The following ADCY6 variants were observed in gnomAD, a reference collection of about 807,000 sequenced individuals.
ADCY6 encodes adenylate cyclase 6, also known as adenylate cyclase type 6.
ADCY6 carries 59 observed loss-of-function variants against 111.6 expected under a neutral mutation model. That is an observed-to-expected ratio of 0.53 (90% confidence interval 0.43 to 0.66). The LOEUF (loss-of-function observed/expected upper bound fraction) is 0.66, where lower values mean the gene tolerates loss of function less well. Among genes scored for constraint, ADCY6 ranks in the 30% least tolerant of loss-of-function variants. The probability of loss-of-function intolerance (pLI) is 0.00; values close to 1 mark genes in which losing one functional copy is unlikely to be tolerated. For missense variants in ADCY6, 1,242 were observed against 1,595.6 expected, an observed-to-expected ratio of 0.78 and a Z score of 3.78; for synonymous variants, 576 against 642.9, an observed-to-expected ratio of 0.90 and a Z score of 1.57.
chr12:48,770,987 GACCT>G lies in ADCY6; in HGVS notation c.3052-21_3052-18del, dbSNP rs1421819252. ...GCTGATAATCTGAACAACACAAGGA[GACCT>G]GGCTGTCAAGGCAAAGACCCCAGAC... On this transcript the variant is annotated intron_variant, in intron 19 of 21. Transcript: ENST00000357869. 1.9e-6 allele frequency: 3 copies of G among 1,609,320 alleles called. No homozygotes were observed. In the South Asian group the frequency reaches 3.3e-5, roughly 18 times the overall value.
rs1267002310 is a variant in ADCY6, at chr12:48,783,024, C to A, written c.411G>T (p.Glu137Asp). Reference sequence around the variant, plus strand: ...GGAAGAAGTACCGCTGGTACAGGCGCTCCAGCTTGGCCGAACGGAACTGCT... The same window carrying A: ...GGAAGAAGTACCGCTGGTACAGGCGATCCAGCTTGGCCGAACGGAACTGCT... ...QSKQFRSAKL[E>D]RLYQRYFFQM... The change falls in exon 2 of 22, where the codon GAG becomes GAT. Residue 137 changes from glutamate to aspartate, a missense_variant. Physicochemically the swap from Glu to Asp is conservative, Grantham distance 45. Around this residue, in one of 4 missense-constraint regions of ADCY6, gnomAD observed 362 missense variants for 377.2 expected, o/e 0.96. Transcript: ENST00000357869. 3 of 1,613,672 alleles carry A rather than the reference C, an allele frequency of 1.9e-6. No homozygotes were observed. The highest frequency in any genetic ancestry group is 2.5e-6 in the Non-Finnish European group (3 of 1,179,908).
At chr12:48,778,075 G>C in intron 3 of ADCY6, 33 bp downstream of exon 3, 1 of 1,584,850 alleles carries the variant, frequency 6.3e-7, no homozygotes, top group South Asian at 1.1e-5. Context: ...GGGTAAGGTG[G>C]GGGCAGGCCC....
rs1941426335 is a variant in ADCY6 at position 48,768,196 on chromosome 12, A to C, written c.*395T>G. On this transcript the variant is annotated 3_prime_UTR_variant, in exon 22 of 22. Coordinates refer to ENST00000357869, the MANE Select transcript of ADCY6 (RefSeq NM_015270.5). ...GTACAAAATATTCCCAGGAAAAAAG[A>C]GGGAAAAGAAGGGCTCAGCCCTGAA... The C allele has an allele frequency of 3.7e-6, 1 of 271,970 alleles. No homozygotes were observed. Among genetic ancestry groups the C allele is most frequent in the African/African-American group, 2.2e-5 (1 of 45,178 alleles). The allele number at this position is 271,970 out of a possible 1,614,324, so 16.8% of individuals were successfully genotyped here. A position where few individuals can be genotyped will look rare whatever the true frequency, so the allele number is the denominator to read the frequency against.
Position 48,767,296 on chromosome 12 carries a change from G to GCC in ADCY6, c.*1293_*1294dup, listed in dbSNP as rs1941401802. The stretch of plus-strand genomic sequence containing the variant: ...CAGGGAGAGTCATGCTGCACACATG[G>GCC]CCCCCGAACGGCACTTAGGGATTTG... On this transcript the variant is annotated 3_prime_UTR_variant, in exon 22 of 22. Transcript: ENST00000357869. 1 of 152,590 alleles carries GCC rather than the reference G, an allele frequency of 6.6e-6. No homozygotes were observed. Among genetic ancestry groups the GCC allele is most frequent in the Non-Finnish European group, 1.5e-5 (1 of 68,074 alleles). The allele number at this position is 152,590 out of a possible 1,614,324, so 9.5% of individuals were successfully genotyped here. A position where few individuals can be genotyped will look rare whatever the true frequency, so the allele number is the denominator to read the frequency against.
Position 48,773,112 on chromosome 12 carries a change from G to C in ADCY6, c.2621+357C>G, listed in dbSNP as rs534587942. Among the ~76,000 whole-genome samples, 6 of 152,254 alleles carry C rather than the reference G, an allele frequency of 3.9e-5. No individual in the cohort carries two copies. In the East Asian group the frequency reaches 1.2e-3, roughly 29 times the overall value. ...AGGAAAAGCCAGTGTGGTGTCCCAG[G>C]CAAAGCCCCCAAGCAGGAATCAGAA... On this transcript the variant is annotated intron_variant, in intron 16 of 21. Transcript: ENST00000357869.
chr12:48,784,999 C>T (rs528629386), intron 1 of ADCY6, among the ~76,000 whole-genome samples: 64 of 152,272 alleles, frequency 4.2e-4, no homozygotes, highest in African/African-American at 1.5e-3. Flanking sequence ...CAACACACCC[C>T]GCACAGGCCA....
Position 48,778,251 on chromosome 12 carries a change from C to T in ADCY6, c.871G>A (p.Ala291Thr). ...GDAFLWKQLG[A>T]NVLLFLCTNV... Reference sequence around the variant, plus strand: ...GTGCAGAGGAACAGCAGCACATTGGCACCGAGCTGCAGGAGGTGGCAGAGG... The same window carrying T: ...GTGCAGAGGAACAGCAGCACATTGGTACCGAGCTGCAGGAGGTGGCAGAGG... The change falls in exon 3 of 22, where the codon GCC becomes ACC. Residue 291 changes from alanine to threonine, a missense_variant. Transcript: ENST00000357869. 1 of 1,614,088 alleles carries T rather than the reference C, an allele frequency of 6.2e-7. No homozygotes were observed. The highest frequency in any genetic ancestry group is 1.3e-5 in the African/African-American group (1 of 75,032).
rs112504669 is a variant in ADCY6 at position 48,769,363 on chromosome 12, C to T, written c.3257-302G>A. Among the ~76,000 whole-genome samples, 997 of 142,120 alleles carry T rather than the reference C, an allele frequency of 7.0e-3. 15 individuals are homozygous for T. Among genetic ancestry groups the T allele is most frequent in the African/African-American group, 0.025 (960 of 38,154 alleles). The allele number at this position is 142,120 out of a possible 152,430, so 93.2% of individuals were successfully genotyped here. On this transcript the variant is annotated intron_variant, in intron 20 of 21. Coordinates refer to ENST00000357869, the MANE Select transcript of ADCY6 (RefSeq NM_015270.5). ...GCCTGGGATTTGAGGCTACAGTGAG[C>T]TGTGATTGTGCCACGGCACTCTAGC...
At position 48,776,664 on chromosome 12, in the gene ADCY6, T is replaced by C. The variant is rs1941713271; in HGVS notation, c.1377-78A>G. ...CCACAACCCAGGCCCTTCACTCCTC[T>C]CAGGGCCCAGCGGGCAAGGACAGAC... On this transcript the variant is annotated intron_variant, in intron 6 of 21. Coordinates refer to ENST00000357869, the MANE Select transcript of ADCY6 (RefSeq NM_015270.5). This position sits in a 1 kb window ranked among gnomAD's most constrained non-coding sequence, Gnocchi z 6.1. 2 of 1,518,642 alleles carry C rather than the reference T, an allele frequency of 1.3e-6. No individual in the cohort carries two copies. Among genetic ancestry groups the C allele is most frequent in the Non-Finnish European group, 1.8e-6 (2 of 1,134,310 alleles). 94.1% of individuals were successfully genotyped at this position (1,518,642 alleles called of 1,614,324 possible).
In ADCY6 at chr12:48,772,154, G is replaced by C. The variant is rs1255113679; in HGVS notation, c.2787+141C>G. The C allele has an allele frequency of 4.3e-6, 6 of 1,408,342 alleles. No homozygotes were observed. In the South Asian group the frequency reaches 8.5e-5, roughly 20 times the overall value. 87.2% of individuals were successfully genotyped at this position (1,408,342 alleles called of 1,614,324 possible). A position where few individuals can be genotyped will look rare whatever the true frequency, so the allele number is the denominator to read the frequency against. On this transcript the variant is annotated intron_variant, in intron 18 of 21. Coordinates refer to ENST00000357869, the MANE Select transcript of ADCY6 (RefSeq NM_015270.5). Reference sequence around the variant, plus strand: ...GTAGAGGATGGGGCAGGGAGTAAGGGATGGGCACAGAGAAGGAATGGAACC... The same window carrying C: ...GTAGAGGATGGGGCAGGGAGTAAGGCATGGGCACAGAGAAGGAATGGAACC...
Position 48,788,933 on chromosome 12 carries a change from G to A in ADCY6, c.-32C>T, listed in dbSNP as rs1257169108. ...GCCGGCCCGGCTCCGCGCCTGCCCTGGGCCCCCGCCCCGCCGCCCCCGCGG... is the reference window on the plus strand; with the variant it reads ...GCCGGCCCGGCTCCGCGCCTGCCCTAGGCCCCCGCCCCGCCGCCCCCGCGG... On this transcript the variant is annotated 5_prime_UTR_variant, in exon 1 of 22. Transcript: ENST00000357869. 1 of 147,636 alleles carries A rather than the reference G, an allele frequency of 6.8e-6. No homozygotes were observed. Among genetic ancestry groups the A allele is most frequent in the Non-Finnish European group, 1.5e-5 (1 of 66,248 alleles). The allele number at this position is 147,636 out of a possible 1,614,324, so 9.1% of individuals were successfully genotyped here.
At chr12:48,772,067 T>C (rs1392362335) in intron 18 of ADCY6, 94 bp from the exon 19 acceptor site, 19 of 1,494,194 alleles carry the variant, frequency 1.3e-5, no homozygotes, top group Middle Eastern at 1.8e-4. Context: ...GGGAATCACA[T>C]AGAGAAAGAA....
chr12:48,778,728 T>C (rs1299406141), intron 2 of ADCY6, among the ~76,000 whole-genome samples: 1 of 152,186 alleles, frequency 6.6e-6, no homozygotes, highest in Non-Finnish European at 1.5e-5. Context: ...AGAGGAAGAA[T>C]GAGAAGATCT....
In ADCY6 at chr12:48,782,491, CCTCA is replaced by C. The variant is rs529623737; in HGVS notation, c.864+76_864+79del. 6.6e-5 allele frequency: 100 copies of C among 1,508,054 alleles called. No individual in the cohort carries two copies. In the South Asian group the frequency reaches 1.2e-3, roughly 18 times the overall value. The allele number at this position is 1,508,054 out of a possible 1,614,324, so 93.4% of individuals were successfully genotyped here. A position where few individuals can be genotyped will look rare whatever the true frequency, so the allele number is the denominator to read the frequency against. On this transcript the variant is annotated intron_variant, in intron 2 of 21. Coordinates refer to ENST00000357869, the MANE Select transcript of ADCY6 (RefSeq NM_015270.5). This position sits in a 1 kb window ranked among gnomAD's most constrained non-coding sequence, Gnocchi z 4.3. ...TTCCACCCATGACTCACCCGCCCTT[CCTCA>C]CTAAGCCCCCACCTGCTTATGAGGT...
rs201262016 is a variant in ADCY6 at position 48,784,315 on chromosome 12, G to GAAATA, written c.-4-882_-4-878dup. ...AGGGAAGGAAGGGAGGGAAGGGAGG[G>GAAATA]AAATAAAATAAAATAAAATAAAATA... On this transcript the variant is annotated intron_variant, in intron 1 of 21. Coordinates refer to ENST00000357869, the MANE Select transcript of ADCY6 (RefSeq NM_015270.5). Among the ~76,000 whole-genome samples, 909 of 126,572 alleles carry GAAATA rather than the reference G, an allele frequency of 7.2e-3. 5 individuals carry two copies. The highest frequency in any genetic ancestry group is 0.01 in the Non-Finnish European group (629 of 61,090). 83.0% of individuals were successfully genotyped at this position (126,572 alleles called of 152,430 possible). A position where few individuals can be genotyped will look rare whatever the true frequency, so the allele number is the denominator to read the frequency against.
rs368767929 is a variant in ADCY6, at chr12:48,783,034, G to A, written c.401C>T (p.Ala134Val). ...QVFQSKQFRS[A>V]KLERLYQRYF... ...CCGCTGGTACAGGCGCTCCAGCTTGGCCGAACGGAACTGCTTCGACTGGAA... is the reference window on the plus strand; with the variant it reads ...CCGCTGGTACAGGCGCTCCAGCTTGACCGAACGGAACTGCTTCGACTGGAA... The change falls in exon 2 of 22, where the codon GCC becomes GTC. Residue 134 changes from alanine to valine, a missense_variant. Ala to Val is a moderately conservative substitution (Grantham distance 64). This residue lies in a region of ADCY6 where 362 missense variants were observed against 377.2 expected (regional missense o/e 0.96). Transcript: ENST00000357869. The A allele has an allele frequency of 6.8e-6, 11 of 1,613,444 alleles. No homozygotes were observed. The highest frequency in any genetic ancestry group is 1.6e-4 in the Middle Eastern group (1 of 6,084).
At chr12:48,772,046 T>G in intron 18 of ADCY6, 73 bp from the exon 19 acceptor site, 1 of 1,537,162 alleles carries the variant, frequency 6.5e-7, no homozygotes, top group Non-Finnish European at 8.7e-7. Context: ...GGCTTGGAAG[T>G]GCGGATAAGA....
At chr12:48,788,210 C>T (rs1388137649) in intron 1 of ADCY6, among the ~76,000 whole-genome samples, 3 of 152,174 alleles carry the variant, frequency 2.0e-5, no homozygotes, top group African/African-American at 7.2e-5. Context: ...CATCCCCAGT[C>T]CTCACTCTCC....
At position 48,782,422 on chromosome 12, in the gene ADCY6, C is replaced by T; in HGVS notation, c.864+149G>A. On this transcript the variant is annotated intron_variant, in intron 2 of 21. Coordinates refer to ENST00000357869, the MANE Select transcript of ADCY6 (RefSeq NM_015270.5). This position sits in a 1 kb window ranked among gnomAD's most constrained non-coding sequence, Gnocchi z 4.3. ...ACCCCTCAACCCTAGCCTCCCACCT[C>T]CTGCTCCTCCTCCCAGATACAGCCA... 7.1e-7 allele frequency: 1 copy of T among 1,412,352 alleles called. No individual in the cohort carries two copies. The highest frequency in any genetic ancestry group is 9.3e-7 in the Non-Finnish European group (1 of 1,071,754). 87.5% of individuals were successfully genotyped at this position (1,412,352 alleles called of 1,614,324 possible).
Sources: allele counts gnomAD v4.1 joint callset (sites outside exome capture counted in the v4.1 genomes callset), GRCh38; gene constraint gnomAD v4.1.1; regional missense constraint gnomAD v4.1.1; non-coding constraint Gnocchi (gnomAD v3.1); transcripts MANE v1.5; gene names NCBI Gene and HGNC (gene_info 2026-07-23, HGNC 2026-07-21).